DLC1: variants seen among roughly 807,000 people sequenced by gnomAD.
DLC1 encodes the protein rho GTPase-activating protein 7.
A neutral mutation model predicts 140.3 loss-of-function variants in DLC1; 54 were observed. The observed-to-expected ratio is 0.38, with a 90% confidence interval of 0.31 to 0.48. DLC1 has a LOEUF of 0.48. Among genes scored for constraint, DLC1 ranks in the 20% least tolerant of loss-of-function variants. The pLI, the probability that DLC1 is intolerant of heterozygous loss-of-function variation, is 0.96. For synonymous variants in DLC1, 986 were observed against 728.1 expected, an observed-to-expected ratio of 1.35 and a Z score of -5.70; for missense variants, 2,536 against 1,907.0, an observed-to-expected ratio of 1.33 and a Z score of -6.14.
rs559454948 is a variant in DLC1 at position 13,461,126 on chromosome 8, C to T, written c.1023+37923G>A. Among the ~76,000 whole-genome samples, 24 of 152,326 alleles carry T rather than the reference C, an allele frequency of 1.6e-4. No individual in the cohort carries two copies. The Middle Eastern group carries it at 0.01, about 65-fold the overall frequency. On this transcript the variant is annotated intron_variant, in intron 2 of 17. Coordinates refer to ENST00000276297, the MANE Select transcript of DLC1 (RefSeq NM_182643.3). ...TCTAGAGGCTGAGGCAAAAGGTTTG[C>T]TTGAGCCCAGGAGTTCAAGGCTGCA...
chr8:13,123,909 C>T (rs556985961), intron 5 of DLC1, among the ~76,000 whole-genome samples: 1 of 152,048 alleles, frequency 6.6e-6, no homozygotes, highest in Non-Finnish European at 1.5e-5. Context: ...GAAATACATT[C>T]TACATTGTAA....
intron 5 of DLC1, among the ~76,000 whole-genome samples, chr8:13,153,418 TG>T: frequency 6.6e-6 from 1 of 152,316 alleles, no homozygotes; most frequent in Middle Eastern, 3.4e-3. Context: ...ATAAACGCAG[TG>T]TGGACCCAAA....
chr8:13,498,837 T>A lies in DLC1; in HGVS notation c.1023+212A>T, dbSNP rs546027094. 7.5e-6 allele frequency: 4 copies of A among 534,988 alleles called. No homozygotes were observed. In the South Asian group the frequency reaches 1.5e-4, roughly 20 times the overall value. The allele number at this position is 534,988 out of a possible 1,614,324, so 33.1% of individuals were successfully genotyped here. A position where few individuals can be genotyped will look rare whatever the true frequency, so the allele number is the denominator to read the frequency against. ...GAAATAGAATATTCATAAACCATTA[T>A]ACACATTATTAGTGAAACGGATAGA... On this transcript the variant is annotated intron_variant, in intron 2 of 17. Transcript: ENST00000276297.
chr8:13,137,603 GT>G (rs36035085), intron 5 of DLC1, among the ~76,000 whole-genome samples: 75 of 134,362 alleles, frequency 5.6e-4, no homozygotes, highest in South Asian at 9.6e-4. Flanking sequence ...TTTTGGTTTT[GT>G]TTTTTTTTTT....
At chr8:13,119,724 G>A (rs1005463166) in intron 5 of DLC1, among the ~76,000 whole-genome samples, 1 of 152,116 alleles carries the variant, frequency 6.6e-6, no homozygotes, top group Non-Finnish European at 1.5e-5. Flanking sequence ...GGCCTAGGTG[G>A]GAGTATCATT....
chr8:13,568,606 G>A (rs1274634334), intron 1 of DLC1, among the ~76,000 whole-genome samples: 1 of 151,820 alleles, frequency 6.6e-6, no homozygotes, highest in Non-Finnish European at 1.5e-5. Flanking sequence ...AGAGAAGCAG[G>A]GTTGATACAA....
chr8:13,535,078 G>A (rs958765502), intron 1 of DLC1, among the ~76,000 whole-genome samples: 8 of 152,080 alleles, frequency 5.3e-5, no homozygotes, highest in Admixed American at 1.3e-4. Context: ...TTTGATCACA[G>A]ATCAAAAATG....
chr8:13,345,935 C>G (rs1834315067), intron 4 of DLC1, among the ~76,000 whole-genome samples: 1 of 152,044 alleles, frequency 6.6e-6, no homozygotes, highest in Admixed American at 6.6e-5. Context: ...GCTCATAAAC[C>G]TTTGGTAGTT....
chr8:13,218,572 G>T (rs1024025496), intron 5 of DLC1, among the ~76,000 whole-genome samples: 4 of 151,736 alleles, frequency 2.6e-5, no homozygotes, highest in Non-Finnish European at 4.4e-5. Context: ...CTACAGTGAT[G>T]TAATGCTTCA....
rs576290285 is a variant in DLC1, at chr8:13,141,786, A to C, written c.1349-26129T>G. On this transcript the variant is annotated intron_variant, in intron 5 of 17. Coordinates refer to ENST00000276297, the MANE Select transcript of DLC1 (RefSeq NM_182643.3). Reference sequence around the variant, plus strand: ...GTCTATCTTCCAAGATTGGCTTTTCATGTGTAACTAACTCAATTATCTCTT... The same window carrying C: ...GTCTATCTTCCAAGATTGGCTTTTCCTGTGTAACTAACTCAATTATCTCTT... Among the ~76,000 whole-genome samples, 8 of 152,332 alleles carry C rather than the reference A, an allele frequency of 5.3e-5. 1 individual carries two copies. The South Asian group carries it at 1.7e-3, about 32-fold the overall frequency.
intron 4 of DLC1, among the ~76,000 whole-genome samples, chr8:13,377,408 A>C (rs940633485): frequency 3.3e-5 from 5 of 152,210 alleles, no homozygotes; most frequent in African/African-American, 9.6e-5. Flanking sequence ...TGCCAGCCAC[A>C]AGTGTCTGCT....
chr8:13,159,230 C>G (rs1274074407), intron 5 of DLC1, among the ~76,000 whole-genome samples: 1 of 152,184 alleles, frequency 6.6e-6, no homozygotes, highest in Non-Finnish European at 1.5e-5. Flanking sequence ...CATGCGTCCA[C>G]TCCCTAAAGC....
intron 12 of DLC1, among the ~76,000 whole-genome samples, chr8:13,093,715 T>G (rs928171958): frequency 6.6e-6 from 1 of 152,152 alleles, no homozygotes; most frequent in Non-Finnish European, 1.5e-5. Context: ...TTATAAAATA[T>G]GAAAGGATGA....
chr8:13,504,665 T>G (rs951190807), intron 1 of DLC1, among the ~76,000 whole-genome samples: 4 of 152,150 alleles, frequency 2.6e-5, no homozygotes, highest in Non-Finnish European at 5.9e-5. Flanking sequence ...TGGGAATCAA[T>G]GGTATCAGAT....
chr8:13,201,720 C>G (rs1341315067), intron 5 of DLC1, among the ~76,000 whole-genome samples: 2 of 152,126 alleles, frequency 1.3e-5, no homozygotes, highest in East Asian at 3.9e-4. Context: ...TAATACTGAA[C>G]TCCTCATCTT....
At chr8:13,385,003 C>G (rs936553044) in intron 4 of DLC1, among the ~76,000 whole-genome samples, 10 of 152,040 alleles carry the variant, frequency 6.6e-5, no homozygotes, top group African/African-American at 2.4e-4. Context: ...ATGGATTACT[C>G]AAAGAACATC....
At chr8:13,385,592 C>A (rs746552691) in intron 4 of DLC1, among the ~76,000 whole-genome samples, 1 of 152,110 alleles carries the variant, frequency 6.6e-6, no homozygotes, top group Admixed American at 6.6e-5. Context: ...GTAAACAATT[C>A]CTTTACTTTC....
At chr8:13,596,749 C>T (rs1452538197) in intron 1 of DLC1, among the ~76,000 whole-genome samples, 1 of 151,982 alleles carries the variant, frequency 6.6e-6, no homozygotes, top group Non-Finnish European at 1.5e-5. Context: ...TAAAAATGAT[C>T]ACACATAAGA....
chr8:13,434,255 G>A (rs1839013217), intron 2 of DLC1, among the ~76,000 whole-genome samples: 1 of 152,176 alleles, frequency 6.6e-6, no homozygotes. Flanking sequence ...GTCATAACTA[G>A]CTAACAATAG....
Sources: allele counts gnomAD v4.1 joint callset (sites outside exome capture counted in the v4.1 genomes callset), GRCh38; gene constraint gnomAD v4.1.1; transcripts MANE v1.5; gene names NCBI Gene and HGNC (gene_info 2026-07-23, HGNC 2026-07-21).